The following RNASEH2A variants were observed in gnomAD, a reference collection of about 807,000 sequenced individuals.
The protein encoded by RNASEH2A is RNase H(35).
In RNASEH2A, 30 loss-of-function variants were observed where a neutral mutation model predicts 32.7. The observed-to-expected ratio is 0.92, with a 90% CI of 0.69 to 1.25. The LOEUF is 1.25. Ranked by LOEUF, RNASEH2A falls within the 50% of genes most tolerant of loss-of-function variation. The probability of loss-of-function intolerance (pLI) is 0.00; values close to 1 mark genes in which losing one functional copy is unlikely to be tolerated. For synonymous variants in RNASEH2A, 147 were observed against 165.4 expected (o/e 0.89, Z 0.86); for missense variants, 409 against 398.1 (o/e 1.03, Z -0.23).
In RNASEH2A at chr19:12,810,227, A is replaced by G. The variant is rs1217562198; in HGVS notation, c.549+19A>G. On this transcript the variant is annotated intron_variant, in intron 5 of 7. Coordinates refer to ENST00000221486, the MANE Select transcript of RNASEH2A (RefSeq NM_006397.3). ...TGCCAAGGTCAGTACCCTACTAGCC[A>G]TGGCTGGCTTCCACCATCCCACTAT... 1.2e-6 allele frequency: 2 copies of G among 1,614,198 alleles called. No homozygotes were observed. The highest frequency in any genetic ancestry group is 1.7e-5 in the Admixed American group (1 of 60,014).
chr19:12,807,125 C>T, intron 2 of RNASEH2A, 46 bp downstream of exon 2: 4 of 1,614,044 alleles, frequency 2.5e-6, no homozygotes, highest in Non-Finnish European at 3.4e-6. Context: ...TGGGTATGTG[C>T]AGGGGCAGGT....
intron 4 of RNASEH2A, 117 bp from the exon 5 acceptor site, chr19:12,809,954 C>T (rs953413250): frequency 2.3e-5 from 30 of 1,333,142 alleles, no homozygotes; most frequent in Non-Finnish European, 2.4e-5. Flanking sequence ...ATTGATCCAT[C>T]CTGGGGACGT....
rs1033081366 is a variant in RNASEH2A, at chr19:12,810,086, G to A, written c.427G>A (p.Val143Ile). 5.6e-6 allele frequency: 9 copies of A among 1,614,032 alleles called. No homozygotes were observed. In the African/African-American group the frequency reaches 8.0e-5, roughly 14 times the overall value. Residue 143 changes from valine (V) to isoleucine (I), a missense_variant, in exon 5 of 8, where the codon GTA (valine) becomes ATA (isoleucine). Transcript: ENST00000221486. ...GCTGTGGCAGGTATTCGTGGACACCGTAGGGATGCCAGAGACATACCAGGC... is the reference window on the plus strand; with the variant it reads ...GCTGTGGCAGGTATTCGTGGACACCATAGGGATGCCAGAGACATACCAGGC... ...VNVTQVFVDT[V>I]GMPETYQARL...
At chr19:12,807,901 C>T (rs1357790127) in intron 4 of RNASEH2A, 1 of 308,706 alleles carries the variant, frequency 3.2e-6, no homozygotes, top group Non-Finnish European at 6.3e-6. Context: ...CATTGCACTC[C>T]AACCCGGGCA....
In RNASEH2A at chr19:12,810,327, A is replaced by G; in HGVS notation, c.560A>G (p.Asp187Gly). The stretch of plus-strand genomic sequence containing the variant: ...CTGTTTTGCCCACAGGTGGCCCGGG[A>G]CCAGGCCGTGAAGAAATGGCAGTTC... ...AASICAKVAR[D>G]QAVKKWQFVE... is the part of the protein sequence containing the mutation. The change falls in exon 6 of 8, where the codon GAC (aspartate) becomes GGC (glycine). Residue 187 changes from aspartate (D) to glycine (G), a missense_variant. Asp to Gly is a moderately conservative substitution (Grantham distance 94). Transcript: ENST00000221486. The G allele has an allele frequency of 6.2e-7, 1 of 1,614,160 alleles. No homozygotes were observed. The highest frequency in any genetic ancestry group is 8.5e-7 in the Non-Finnish European group (1 of 1,180,030).
chr19:12,813,291 T>C (rs2145830393), intron 7 of RNASEH2A, 37 bp from the exon 8 acceptor site: 2 of 1,614,120 alleles, frequency 1.2e-6, no homozygotes, highest in East Asian at 2.2e-5. Context: ...GGTTGCTCCC[T>C]GTGTAAGTGG....
chr19:12,806,755 C>T lies in RNASEH2A; in HGVS notation c.82C>T (p.Pro28Ser). 1 of 1,574,560 alleles carries T rather than the reference C, an allele frequency of 6.4e-7. No individual in the cohort carries two copies. The highest frequency in any genetic ancestry group is 8.6e-7 in the Non-Finnish European group (1 of 1,159,896). ...SPVPAVCRKE[P>S]CVLGVDEAGR... ...TGTGCCCGCGGTGTGCCGCAAGGAG[C>T]CTTGCGTCCTGGGCGTCGATGAGGC... Residue 28 changes from proline to serine, a missense_variant, in exon 1 of 8, where the codon CCT (proline) becomes TCT (serine). Coordinates refer to ENST00000221486, the MANE Select transcript of RNASEH2A (RefSeq NM_006397.3).
intron 4 of RNASEH2A, among the ~76,000 whole-genome samples, chr19:12,808,516 C>A (rs1015601905): frequency 1.3e-5 from 2 of 152,036 alleles, no homozygotes; most frequent in Admixed American, 6.6e-5. Context: ...GGACACCCCC[C>A]ACTCCCTGGA....
At chr19:12,811,815 G>T (rs1969076751) in intron 6 of RNASEH2A, among the ~76,000 whole-genome samples, 1 of 151,940 alleles carries the variant, frequency 6.6e-6, no homozygotes, top group Non-Finnish European at 1.5e-5. Context: ...AACTCGGGAG[G>T]CTGAGGCAGG....
rs7254727 is a variant in RNASEH2A, at chr19:12,812,778, G to A, written c.638-305G>A. ...TCCCAGCACTTTGGGAGGCCGAGGG[G>A]GGTAGATCACGAGGTCAAGCAATTG... is the stretch of plus-strand genomic sequence containing the variant. On this transcript the variant is annotated intron_variant, in intron 6 of 7. Transcript: ENST00000221486. Among the ~76,000 whole-genome samples the A allele has an allele frequency of 0.052, 7,864 of 152,100 alleles. 727 individuals carry two copies. The highest frequency in any genetic ancestry group is 0.18 in the African/African-American group (7,502 of 41,480).
intron 4 of RNASEH2A, chr19:12,807,766 T>C: frequency 2.2e-6 from 1 of 457,580 alleles, no homozygotes; most frequent in Non-Finnish European, 4.1e-6. Context: ...ACCCCGTCTC[T>C]ACTAAAAATA....
chr19:12,813,028 G>T, intron 6 of RNASEH2A, 55 bp from the exon 7 acceptor site: 1 of 1,610,824 alleles, frequency 6.2e-7, no homozygotes, highest in Non-Finnish European at 8.5e-7. Context: ...GAGTGGCAGG[G>T]AGCTTGAATG....
In RNASEH2A at chr19:12,813,175, A is replaced by T; in HGVS notation, c.730A>T (p.Ile244Phe). ...VRFSWRTAQT[I>F]LEKEAEDVIW... is the part of the protein sequence containing the mutation. ...GTTCAGCTGGCGCACGGCCCAGACC[A>T]TCCTGGAGAAAGAGGCGGAAGATGT... Residue 244 changes from isoleucine (I) to phenylalanine (F), a missense_variant, in exon 7 of 8, where the codon ATC becomes TTC. Transcript: ENST00000221486. The T allele has an allele frequency of 6.2e-7, 1 of 1,614,036 alleles. No homozygotes were observed.
intron 4 of RNASEH2A, 124 bp downstream of exon 4, chr19:12,807,630 C>T (rs1039707727): frequency 2.3e-6 from 2 of 875,270 alleles, no homozygotes; most frequent in South Asian, 2.8e-5. Flanking sequence ...ACAAAGGAAG[C>T]CCCCCAACTC....
intron 4 of RNASEH2A, among the ~76,000 whole-genome samples, chr19:12,809,293 G>T (rs559937603): frequency 2.0e-5 from 3 of 152,326 alleles, no homozygotes; most frequent in Non-Finnish European, 2.9e-5. Flanking sequence ...AAACAGTAGT[G>T]CTGTGGAGAT....
intron 6 of RNASEH2A, among the ~76,000 whole-genome samples, chr19:12,810,789 C>G (rs889208052): frequency 7.2e-5 from 11 of 152,074 alleles, no homozygotes; most frequent in Non-Finnish European, 1.5e-4. Context: ...CTCAGCCTCC[C>G]AAAGTGCTGG....
chr19:12,810,241 C>T (rs202010158), intron 5 of RNASEH2A, 33 bp downstream of exon 5: 950 of 1,614,200 alleles, frequency 5.9e-4, no homozygotes, highest in Middle Eastern at 3.5e-3. Flanking sequence ...CTGGCTTCCA[C>T]CATCCCACTA....
chr19:12,807,794 T>C (rs1416297585), intron 4 of RNASEH2A: 1 of 402,406 alleles, frequency 2.5e-6, no homozygotes, highest in Admixed American at 3.6e-5. Flanking sequence ...TAGCTGGACG[T>C]GGTGGCAGGC....
At chr19:12,812,592 T>C (rs1568388458) in intron 6 of RNASEH2A, among the ~76,000 whole-genome samples, 1 of 152,140 alleles carries the variant, frequency 6.6e-6, no homozygotes, top group Non-Finnish European at 1.5e-5. Flanking sequence ...CAAGGAGATG[T>C]CTCAGAGGCA....
Sources: gnomAD v4.1 joint callset for allele counts (sites outside exome capture counted in the v4.1 genomes callset) on GRCh38, gnomAD v4.1.1 for gene constraint, MANE v1.5 for transcripts, NCBI Gene and HGNC (gene_info 2026-07-23, HGNC 2026-07-21) for gene names.